Variants in ITGA10 observed in about 807,000 individuals in gnomAD.
ITGA10 encodes the protein integrin subunit alpha 10, also known as integrin alpha-10.
Under a neutral mutation model 145.2 loss-of-function variants are expected in ITGA10, and 105 were observed. The ratio of observed to expected loss-of-function variants is 0.72; its 90% CI spans 0.62 to 0.85. The LOEUF (loss-of-function observed/expected upper bound fraction) is 0.85, where lower values mean the gene tolerates loss of function less well. Among genes scored for constraint, ITGA10 ranks in the 40% least tolerant of loss-of-function variants. ITGA10 has a pLI of 0.00. For synonymous variants in ITGA10, 506 were observed against 557.8 expected, an observed-to-expected ratio of 0.91 and a Z score of 1.31; for missense variants, 1,317 against 1,444.5, an observed-to-expected ratio of 0.91 and a Z score of 1.43.
At chr1:145,907,839 G>C (rs1002734233) in intron 1 of ITGA10, among the ~76,000 whole-genome samples, 1 of 130,992 alleles carries the variant, frequency 7.6e-6, no homozygotes, top group Non-Finnish European at 1.5e-5. Flanking sequence ...GCGTGATCTC[G>C]GCTTACTGCA....
At chr1:145,899,406 A>T (rs1655914078) in intron 15 of ITGA10, 65 bp from the exon 16 acceptor site, 1 of 1,546,816 alleles carries the variant, frequency 6.5e-7, no homozygotes, top group African/African-American at 1.4e-5. Flanking sequence ...GTGCAAGCCC[A>T]GTGTTTGCTT....
intron 1 of ITGA10, 51 bp from the exon 2 acceptor site, chr1:145,907,516 C>A (rs1467817282): frequency 1.2e-6 from 2 of 1,610,184 alleles, no homozygotes; most frequent in Non-Finnish European, 1.7e-6. Flanking sequence ...TGGCTAGAGG[C>A]ACAGCCCGAG....
At position 145,892,809 on chromosome 1, in the gene ITGA10, A is replaced by G. The variant is rs1553743622; in HGVS notation, c.3493T>C (p.Leu1165=). The G allele has an allele frequency of 6.2e-7, 1 of 1,613,162 alleles. No individual in the cohort carries two copies. The highest frequency in any genetic ancestry group is 1.1e-5 in the South Asian group (1 of 91,070). Residue 1165 remains leucine, a synonymous_variant, in exon 30 of 30, where the codon TTG becomes CTG. Transcript: ENST00000369304. ...CCCTTATTCTACATTCATTGCTCCA[A>G]CTTCTCTTCTCTTTTTTCTTCCTCA... The part of the protein sequence containing the change: ...IPEEEKREEK[L]EQ
intron 14 of ITGA10, 70 bp from the exon 15 acceptor site, chr1:145,900,257 CTTTCT>C (rs1656082813): frequency 6.9e-7 from 1 of 1,459,116 alleles, no homozygotes; most frequent in African/African-American, 1.4e-5. Context: ...CTGCCTTGCT[CTTTCT>C]TTTTATTTAT....
rs1382682939 is a variant in ITGA10, at chr1:145,896,979, G to A, written c.2744+32C>T. 3.1e-6 allele frequency: 5 copies of A among 1,588,438 alleles called. No homozygotes were observed. In the South Asian group the frequency reaches 5.5e-5, roughly 18 times the overall value. The stretch of plus-strand genomic sequence containing the variant: ...CTCCAGTCAAGACTCAGTAGGAGGA[G>A]AGGTCTGGAAGAAAGTTCCCTTCAT... On this transcript the variant is annotated intron_variant, in intron 22 of 29. Transcript: ENST00000369304.
In ITGA10 at chr1:145,901,098, A is replaced by G. The variant is rs1553748113; in HGVS notation, c.1587+37T>C. The G allele has an allele frequency of 2.5e-6, 4 of 1,613,424 alleles. No individual in the cohort carries two copies. Among genetic ancestry groups the G allele is most frequent in the Non-Finnish European group, 2.5e-6 (3 of 1,179,608 alleles). ...CTCCTTTCCTCCCTCCACCCCCACA[A>G]TGCAAGTCCAGGGCAGGGGGTCCCA... is the stretch of plus-strand genomic sequence containing the variant. On this transcript the variant is annotated intron_variant, in intron 13 of 29. Transcript: ENST00000369304. This position sits in a 1 kb window ranked among gnomAD's most constrained non-coding sequence, Gnocchi z 4.3.
At chr1:145,905,238 T>A (rs1236412727) in intron 5 of ITGA10, among the ~76,000 whole-genome samples, 4 of 151,704 alleles carry the variant, frequency 2.6e-5, no homozygotes, top group African/African-American at 9.7e-5. Flanking sequence ...AGACTGAAAA[T>A]GTTTAAGGAG....
Position 145,892,643 on chromosome 1 carries a change from A to AGC in ITGA10, c.*153_*154dup. 1.6e-6 allele frequency: 1 copy of AGC among 607,134 alleles called. No homozygotes were observed. Among genetic ancestry groups the AGC allele is most frequent in the Non-Finnish European group, 3.0e-6 (1 of 338,834 alleles). 37.6% of individuals were successfully genotyped at this position (607,134 alleles called of 1,614,324 possible). A position where few individuals can be genotyped will look rare whatever the true frequency, so the allele number is the denominator to read the frequency against. ...AGGTAAAGCCTCATCTCTAGCCAGC[A>AGC]GCATCCCTAGGACTCAAAAGTCAAG... On this transcript the variant is annotated 3_prime_UTR_variant, in exon 30 of 30. Transcript: ENST00000369304.
Position 145,897,664 on chromosome 1 carries a change from T to C in ITGA10, c.2433-11A>G. ...ACAAATGGGGCCTTCCTGGGAATGA[T>C]GAATGAGGGAGAGACCAGGAGTTGA... On this transcript the variant is annotated splice_polypyrimidine_tract_variant and intron_variant, in intron 19 of 29. Transcript: ENST00000369304. The C allele has an allele frequency of 1.2e-6, 2 of 1,614,060 alleles. No homozygotes were observed. The highest frequency in any genetic ancestry group is 1.3e-5 in the African/African-American group (1 of 74,992).
intron 3 of ITGA10, 32 bp downstream of exon 3, chr1:145,907,009 G>T: frequency 1.4e-6 from 2 of 1,442,692 alleles, no homozygotes; most frequent in Non-Finnish European, 9.4e-7. Flanking sequence ...AAAGTCAGGG[G>T]TTAGGAGGAG....
rs781832606 is a variant in ITGA10, at chr1:145,900,933, C to G, written c.1648G>C (p.Gly550Arg). 1 of 1,614,140 alleles carries G rather than the reference C, an allele frequency of 6.2e-7. No individual in the cohort carries two copies. The highest frequency in any genetic ancestry group is 8.5e-7 in the Non-Finnish European group (1 of 1,180,036). Residue 550 changes from glycine to arginine, a missense_variant, in exon 14 of 30, where the codon GGC becomes CGC. Gly to Arg is a moderately radical substitution (Grantham distance 125, BLOSUM62 -2). Coordinates refer to ENST00000369304, the MANE Select transcript of ITGA10 (RefSeq NM_003637.5). Reference protein sequence around the residue: ...QPEPPQDARFGFAMGALPDLN... With the variant: ...QPEPPQDARFRFAMGALPDLN... ...TCAGGAAGAGCTCCCATGGCAAAGC[C>G]AAACCGAGCATCCTGGGGGGGTTCT...
rs782644552 is a variant in ITGA10 at position 145,907,137 on chromosome 1, C to T, written c.178G>A (p.Ala60Thr). Reference sequence around the variant, plus strand: ...TCGCCTGAAGGCCCATCCCAGGGGGCGCCCACCAGCATCCTGGGAAGAGGA... The same window carrying T: ...TCGCCTGAAGGCCCATCCCAGGGGGTGCCCACCAGCATCCTGGGAAGAGGA... ...GGGQRWMLVGAPWDGPSGDRR... is the reference protein window; with the variant it reads ...GGGQRWMLVGTPWDGPSGDRR... The change falls in exon 3 of 30, where the codon GCC becomes ACC. Residue 60 changes from alanine (A) to threonine (T), a missense_variant. Physicochemically the swap from Ala to Thr is moderately conservative, Grantham distance 58. Coordinates refer to ENST00000369304, the MANE Select transcript of ITGA10 (RefSeq NM_003637.5). 4.0e-5 allele frequency: 62 copies of T among 1,559,976 alleles called. No individual in the cohort carries two copies. The highest frequency in any genetic ancestry group is 1.7e-4 in the Middle Eastern group (1 of 6,010).
chr1:145,893,584 C>T lies in ITGA10; in HGVS notation c.3280G>A (p.Glu1094Lys), dbSNP rs1553743950. The T allele has an allele frequency of 1.9e-6, 3 of 1,613,280 alleles. No homozygotes were observed. Among genetic ancestry groups the T allele is most frequent in the Non-Finnish European group, 2.5e-6 (3 of 1,179,756 alleles). Reference protein sequence around the residue: ...VVSTFELGTEEGSVLQLTEAS... With the variant: ...VVSTFELGTEKGSVLQLTEAS... ...TCAGTCAGCTGTAGGACACTGCCCT[C>T]TTCGGTTCCCAGCTCAAAGGTGCTG... The change falls in exon 28 of 30, where the codon GAG (glutamate) becomes AAG (lysine). Residue 1094 changes from glutamate to lysine, a missense_variant. Physicochemically the swap from Glu to Lys is moderately conservative, Grantham distance 56. Coordinates refer to ENST00000369304, the MANE Select transcript of ITGA10 (RefSeq NM_003637.5).
chr1:145,899,112 G>C (rs373844607), intron 16 of ITGA10, 34 bp from the exon 17 acceptor site: 2 of 1,614,148 alleles, frequency 1.2e-6, no homozygotes, highest in Non-Finnish European at 1.7e-6. Context: ...GGGTGGAAAG[G>C]GGTCTAGTGA....
At chr1:145,909,279 GAC>G (rs1657529997) in intron 1 of ITGA10, among the ~76,000 whole-genome samples, 3 of 151,136 alleles carry the variant, frequency 2.0e-5, no homozygotes, top group South Asian at 4.2e-4. Context: ...CAGCTTGAAT[GAC>G]AGAGTGAGAC....
chr1:145,907,402 G>A lies in ITGA10; in HGVS notation c.116C>T (p.Ala39Val), dbSNP rs372880825. 8.4e-5 allele frequency: 136 copies of A among 1,614,160 alleles called. 1 individual carries two copies. The highest frequency in any genetic ancestry group is 5.8e-4 in the South Asian group (53 of 91,084). Residue 39 changes from alanine (A) to valine (V), a missense_variant, in exon 2 of 30, where the codon GCT becomes GTT. Coordinates refer to ENST00000369304, the MANE Select transcript of ITGA10 (RefSeq NM_003637.5). Reference sequence around the variant, plus strand: ...TTGTAAGACACTGTATCCAAATTCAGCTTCTGGTGGCCCTGGGAATAGGCG... The same window carrying A: ...TTGTAAGACACTGTATCCAAATTCAACTTCTGGTGGCCCTGGGAATAGGCG... ...HPRLFPGPPE[A>V]EFGYSVLQHV...
Position 145,904,758 on chromosome 1 carries a change from A to ATACC in ITGA10, c.534_535insGGTA (p.Tyr179GlyfsTer6). 3.1e-6 allele frequency: 5 copies of ATACC among 1,614,000 alleles called. No individual in the cohort carries two copies. The South Asian group carries it at 4.4e-5, about 14-fold the overall frequency. On this transcript the variant is annotated frameshift_variant, in exon 6 of 30. Coordinates refer to ENST00000369304, the MANE Select transcript of ITGA10 (RefSeq NM_003637.5). LOFTEE classifies it high-confidence loss of function. ...AAGGTCTGAACTTCAGACCAGGGGTAGATGCTGTTGGAGCCATCCAAGACA... is the reference window on the plus strand; with the variant it reads ...AAGGTCTGAACTTCAGACCAGGGGTATACCGATGCTGTTGGAGCCATCCAAGACA...
chr1:145,909,614 ATATAAT>A (rs1290554465), intron 1 of ITGA10, among the ~76,000 whole-genome samples: 1 of 137,426 alleles, frequency 7.3e-6, no homozygotes, highest in Non-Finnish European at 1.5e-5. Flanking sequence ...TATATATAAT[ATATAAT>A]TATGTTATAT....
Position 145,897,668 on chromosome 1 carries a change from T to A in ITGA10, c.2433-15A>T. On this transcript the variant is annotated splice_polypyrimidine_tract_variant and intron_variant, in intron 19 of 29. Coordinates refer to ENST00000369304, the MANE Select transcript of ITGA10 (RefSeq NM_003637.5). ...ATGGGGCCTTCCTGGGAATGATGAA[T>A]GAGGGAGAGACCAGGAGTTGAAGGA... is the stretch of plus-strand genomic sequence containing the variant. 1 of 1,614,022 alleles carries A rather than the reference T, an allele frequency of 6.2e-7. No individual in the cohort carries two copies. Among genetic ancestry groups the A allele is most frequent in the Non-Finnish European group, 8.5e-7 (1 of 1,179,984 alleles).
Sources: gnomAD v4.1 joint callset for allele counts (sites outside exome capture counted in the v4.1 genomes callset) on GRCh38, gnomAD v4.1.1 for gene constraint, Gnocchi (gnomAD v3.1) non-coding constraint, MANE v1.5 for transcripts, NCBI Gene and HGNC (gene_info 2026-07-23, HGNC 2026-07-21) for gene names.